Variants in CALN1 observed in about 807,000 individuals in gnomAD.
CALN1 encodes calneuron 1, also known as calcium-binding protein 8.
In CALN1, 17 loss-of-function variants were observed where a neutral mutation model predicts 30.6. The ratio of observed to expected loss-of-function variants is 0.56; its 90% CI spans 0.38 to 0.83. CALN1 has a LOEUF of 0.83. Among genes scored for constraint, CALN1 ranks in the 40% least tolerant of loss-of-function variants. CALN1 has a pLI of 0.00. For synonymous variants in CALN1, 156 were observed against 131.4 expected, an observed-to-expected ratio of 1.19 and a Z score of -1.28; for missense variants, 291 against 354.9, an observed-to-expected ratio of 0.82 and a Z score of 1.45.
intron 2 of CALN1, among the ~76,000 whole-genome samples, chr7:72,299,613 T>C (rs1799109716): frequency 6.6e-6 from 1 of 150,654 alleles, no homozygotes; most frequent in Non-Finnish European, 1.5e-5. Context: ...AGACAAAGAA[T>C]TAATAAAGTA....
the CALN1 span, among the ~76,000 whole-genome samples, chr7:72,455,452 C>T: frequency 6.6e-6 from 1 of 151,674 alleles, no homozygotes. Flanking sequence ...CCCCTATCTC[C>T]ACTCATTCAC....
At chr7:71,861,344 G>C (rs1791265846) in intron 5 of CALN1, among the ~76,000 whole-genome samples, 1 of 151,960 alleles carries the variant, frequency 6.6e-6, no homozygotes, top group Admixed American at 6.6e-5. Context: ...ATTTTGAATT[G>C]GTCTCTTCAC....
intron 4 of CALN1, among the ~76,000 whole-genome samples, chr7:72,070,351 G>C (rs1804304572): frequency 6.6e-6 from 1 of 152,160 alleles, no homozygotes; most frequent in Non-Finnish European, 1.5e-5. Context: ...CAGAATATAT[G>C]AGGTATGTCC....
chr7:72,276,663 A>G (rs1269221131), intron 3 of CALN1, among the ~76,000 whole-genome samples: 1 of 152,086 alleles, frequency 6.6e-6, no homozygotes, highest in Non-Finnish European at 1.5e-5. Context: ...GTGGACTATT[A>G]TAAAAGTGAG....
chr7:72,304,932 C>G (rs567009827), intron 2 of CALN1, among the ~76,000 whole-genome samples: 16 of 152,254 alleles, frequency 1.1e-4, no homozygotes, highest in Non-Finnish European at 2.1e-4. Context: ...AATGATTTTA[C>G]AAATGAAAGA....
At chr7:72,308,139 G>A (rs974313292) in intron 2 of CALN1, among the ~76,000 whole-genome samples, 1 of 152,128 alleles carries the variant, frequency 6.6e-6, no homozygotes, top group African/African-American at 2.4e-5. Flanking sequence ...CGAGGCAGGT[G>A]GATTGCTTGA....
rs530706281 is a variant in CALN1 at position 72,177,541 on chromosome 7, G to C, written c.245-71247C>G. 2.6e-5 allele frequency among the ~76,000 whole-genome samples: 4 copies of C among 152,176 alleles called. No individual in the cohort carries two copies. In the South Asian group the frequency reaches 8.3e-4, roughly 32 times the overall value. On this transcript the variant is annotated intron_variant, in intron 3 of 6. Coordinates refer to ENST00000395275, the MANE Select transcript of CALN1 (RefSeq NM_031468.4). ...GCACTTGGGGAGGCTGAGAAGGGCG[G>C]ATCACTTGAAGTCAGGAGTTCGAGA...
At chr7:71,885,820 C>G (rs994461410) in intron 5 of CALN1, among the ~76,000 whole-genome samples, 3 of 152,190 alleles carry the variant, frequency 2.0e-5, no homozygotes. Flanking sequence ...TCCTGTGGTT[C>G]TATTTTCATC....
At chr7:72,288,867 C>A (rs1227439961) in intron 2 of CALN1, among the ~76,000 whole-genome samples, 1 of 152,130 alleles carries the variant, frequency 6.6e-6, no homozygotes, top group African/African-American at 2.4e-5. Context: ...ATTATTGTTT[C>A]TTACAATCGA....
chr7:72,167,041 A>AAAAAAG (rs567957996), intron 3 of CALN1, among the ~76,000 whole-genome samples: 4 of 152,230 alleles, frequency 2.6e-5, no homozygotes, highest in Non-Finnish European at 4.4e-5. Context: ...CTCAAGGAAA[A>AAAAAAG]AAAAAGAAAA....
chr7:72,377,622 A>G (rs1804649184), intron 2 of CALN1, among the ~76,000 whole-genome samples: 1 of 152,062 alleles, frequency 6.6e-6, no homozygotes, highest in African/African-American at 2.4e-5. Flanking sequence ...ACTTCTCTGA[A>G]CTAATTTTGT....
chr7:72,224,551 AG>A (rs1793534110), intron 3 of CALN1, among the ~76,000 whole-genome samples: 1 of 152,106 alleles, frequency 6.6e-6, no homozygotes, highest in Admixed American at 6.6e-5. Context: ...TGGGAGGCCA[AG>A]GCAGGTGAAT....
chr7:71,785,699 A>T lies in CALN1; in HGVS notation c.*2076T>A, dbSNP rs1792952247. ...CCAGATGGGAGAGGGCAAACTGCCCAGGGCAGAGATTAAGGATGAAGTTGT... is the reference window on the plus strand; with the variant it reads ...CCAGATGGGAGAGGGCAAACTGCCCTGGGCAGAGATTAAGGATGAAGTTGT... On this transcript the variant is annotated 3_prime_UTR_variant, in exon 7 of 7. Coordinates refer to ENST00000395275, the MANE Select transcript of CALN1 (RefSeq NM_031468.4). 2 of 152,374 alleles carry T rather than the reference A, an allele frequency of 1.3e-5. No homozygotes were observed. The highest frequency in any genetic ancestry group is 4.1e-4 in the South Asian group (2 of 4,824). 9.4% of individuals were successfully genotyped at this position (152,374 alleles called of 1,614,324 possible).
intron 2 of CALN1, among the ~76,000 whole-genome samples, chr7:72,385,191 A>G (rs1331488254): frequency 6.6e-6 from 1 of 152,250 alleles, no homozygotes; most frequent in Admixed American, 6.5e-5. Flanking sequence ...AACTTTCTTG[A>G]TGATGGGAAT....
At chr7:72,337,031 C>A (rs1461116451) in intron 2 of CALN1, 9 of 985,634 alleles carry the variant, frequency 9.1e-6, no homozygotes, top group Non-Finnish European at 1.1e-5. Flanking sequence ...CCCCGCACCC[C>A]CTGCACCGCG....
chr7:72,062,055 G>A (rs1253835623), intron 4 of CALN1, among the ~76,000 whole-genome samples: 1 of 152,118 alleles, frequency 6.6e-6, no homozygotes, highest in East Asian at 1.9e-4. Context: ...TTGTTAAAGA[G>A]CCAAGAGATA....
intron 5 of CALN1, among the ~76,000 whole-genome samples, chr7:71,988,074 A>G (rs892768561): frequency 6.6e-6 from 1 of 152,090 alleles, no homozygotes; most frequent in African/African-American, 2.4e-5. Flanking sequence ...GTCTGATGAC[A>G]ACGACAAGGA....
At chr7:72,104,425 C>T (rs1302030625) in intron 4 of CALN1, among the ~76,000 whole-genome samples, 1 of 152,030 alleles carries the variant, frequency 6.6e-6, no homozygotes, top group Non-Finnish European at 1.5e-5. Flanking sequence ...TTCTGGGGTC[C>T]ATGTGCAGGA....
intron 5 of CALN1, among the ~76,000 whole-genome samples, chr7:71,861,025 C>A (rs1791239580): frequency 1.3e-5 from 2 of 152,062 alleles, no homozygotes; most frequent in South Asian, 4.2e-4. Flanking sequence ...CAAAGAGGAC[C>A]ATTTAGGTCA....
Sources: gnomAD v4.1 joint callset for allele counts (sites outside exome capture counted in the v4.1 genomes callset) on GRCh38, gnomAD v4.1.1 for gene constraint, MANE v1.5 for transcripts, NCBI Gene and HGNC (gene_info 2026-07-23, HGNC 2026-07-21) for gene names.